Variants in LUZP2 observed in about 807,000 individuals in gnomAD.
LUZP2 encodes the protein leucine zipper protein 2.
In LUZP2, 52 loss-of-function variants were observed where a neutral mutation model predicts 51.6. The observed-to-expected ratio is 1.01, with a 90% CI of 0.81 to 1.27. The LOEUF (loss-of-function observed/expected upper bound fraction) is 1.27, where lower values mean the gene tolerates loss of function less well. Among genes scored for constraint, LUZP2 ranks in the 50% most tolerant of loss-of-function variants. LUZP2 has a pLI of 0.00. For missense variants in LUZP2, 436 were observed against 395.4 expected (o/e 1.10, Z -0.87); for synonymous variants, 154 against 137.3 (o/e 1.12, Z -0.85).
chr11:24,758,184 C>T (rs1489598778), intron 4 of LUZP2, among the ~76,000 whole-genome samples: 1 of 151,892 alleles, frequency 6.6e-6, no homozygotes, highest in Non-Finnish European at 1.5e-5. Context: ...TAACAAAATA[C>T]ACATCATGAT....
chr11:25,013,734 G>GTATT (rs911018315), intron 9 of LUZP2, among the ~76,000 whole-genome samples: 2 of 151,628 alleles, frequency 1.3e-5, no homozygotes, highest in African/African-American at 4.9e-5. Context: ...TACATTAACT[G>GTATT]TATTTATTTA....
chr11:24,786,587 T>A (rs953925957), intron 5 of LUZP2: 36 of 277,786 alleles, frequency 1.3e-4, no homozygotes, highest in Non-Finnish European at 1.6e-4. Flanking sequence ...AAAATATATA[T>A]TTGCATTATA....
intron 5 of LUZP2, among the ~76,000 whole-genome samples, chr11:24,851,507 G>A (rs1376464480): frequency 3.9e-5 from 6 of 152,144 alleles, no homozygotes; most frequent in African/African-American, 1.4e-4. Flanking sequence ...CAGTTTGCCA[G>A]TATTTTATTG....
chr11:24,599,527 C>T (rs1224317897), intron 1 of LUZP2, among the ~76,000 whole-genome samples: 1 of 152,156 alleles, frequency 6.6e-6, no homozygotes, highest in Non-Finnish European at 1.5e-5. Context: ...AGTCATTGTT[C>T]TGCCACAGTA....
intron 1 of LUZP2, among the ~76,000 whole-genome samples, chr11:24,643,316 G>T (rs945480078): frequency 6.6e-6 from 1 of 151,654 alleles, no homozygotes; most frequent in Non-Finnish European, 1.5e-5. Flanking sequence ...GGGAGGTTGG[G>T]GGGTAGAGAA....
chr11:24,940,861 T>C (rs1238690136), intron 7 of LUZP2, among the ~76,000 whole-genome samples: 1 of 152,180 alleles, frequency 6.6e-6, no homozygotes, highest in Admixed American at 6.5e-5. Context: ...ACAGAAGTGG[T>C]ATGTGTAGAG....
chr11:25,029,663 G>C (rs552655504), intron 9 of LUZP2, among the ~76,000 whole-genome samples: 1 of 151,506 alleles, frequency 6.6e-6, no homozygotes, highest in African/African-American at 2.4e-5. Flanking sequence ...TTTGAACCCG[G>C]GAGGCGGAGG....
At chr11:24,880,618 A>G (rs1486683) in intron 5 of LUZP2, among the ~76,000 whole-genome samples, 73,929 of 151,912 alleles carry the variant, frequency 0.49, 18,457 homozygotes, top group East Asian at 0.69. Context: ...GCTTACAGGA[A>G]GAAAGTCTCT....
chr11:24,948,618 A>G (rs1475830052), intron 7 of LUZP2, among the ~76,000 whole-genome samples: 1 of 151,790 alleles, frequency 6.6e-6, no homozygotes, highest in African/African-American at 2.4e-5. Context: ...TGATATGACA[A>G]CAAGAAACAC....
At chr11:25,015,867 A>G (rs779445529) in intron 9 of LUZP2, among the ~76,000 whole-genome samples, 3 of 151,212 alleles carry the variant, frequency 2.0e-5, no homozygotes, top group Non-Finnish European at 2.9e-5. Flanking sequence ...GGTTACATGA[A>G]CGAATTGTAT....
intron 7 of LUZP2, among the ~76,000 whole-genome samples, chr11:24,950,458 C>T (rs1855043337): frequency 6.6e-6 from 1 of 151,502 alleles, no homozygotes; most frequent in Non-Finnish European, 1.5e-5. Flanking sequence ...GTAGAAAAAT[C>T]AAAGTGACAG....
chr11:24,695,341 A>C (rs770977034), intron 1 of LUZP2, among the ~76,000 whole-genome samples: 9 of 152,210 alleles, frequency 5.9e-5, no homozygotes, highest in Middle Eastern at 3.4e-3. Flanking sequence ...CATAATTGAC[A>C]TATAATAATT....
At chr11:24,860,217 A>G (rs1028528488) in intron 5 of LUZP2, among the ~76,000 whole-genome samples, 1 of 152,140 alleles carries the variant, frequency 6.6e-6, no homozygotes, top group Non-Finnish European at 1.5e-5. Flanking sequence ...ACCCTGTCCC[A>G]TCCTTCCTCA....
At chr11:24,990,064 G>A (rs1367282895) in intron 9 of LUZP2, among the ~76,000 whole-genome samples, 4 of 151,856 alleles carry the variant, frequency 2.6e-5, no homozygotes, top group Non-Finnish European at 5.9e-5. Flanking sequence ...CAATATATGG[G>A]GTCTATGCCC....
In LUZP2 at chr11:24,499,922, T is replaced by C. The variant is rs111371972; in HGVS notation, c.62+2617T>C. ...GCAGGTGAAAAGGTAGTCTTTTGAC[T>C]GTGTTGTGAACAGGTCTAATGGTAT... On this transcript the variant is annotated intron_variant, in intron 1 of 11. Transcript: ENST00000336930. 7.1e-3 allele frequency among the ~76,000 whole-genome samples: 1,088 copies of C among 152,322 alleles called. 19 individuals carry two copies. Among genetic ancestry groups the C allele is most frequent in the African/African-American group, 0.025 (1,025 of 41,546 alleles).
At chr11:24,565,027 A>G (rs966813195) in intron 1 of LUZP2, among the ~76,000 whole-genome samples, 2 of 152,214 alleles carry the variant, frequency 1.3e-5, no homozygotes, top group Admixed American at 1.3e-4. Context: ...TAATGGGGAC[A>G]TCGTATCCAC....
chr11:24,859,026 A>C (rs560702443), intron 5 of LUZP2, among the ~76,000 whole-genome samples: 4 of 152,296 alleles, frequency 2.6e-5, no homozygotes, highest in East Asian at 3.9e-4. Context: ...CAAATTAGCC[A>C]GTATAGGGCA....
intron 1 of LUZP2, among the ~76,000 whole-genome samples, chr11:24,576,443 TACTA>T (rs1852652418): frequency 8.4e-6 from 1 of 119,124 alleles, no homozygotes; most frequent in South Asian, 2.5e-4. Flanking sequence ...AAGGAAAAAA[TACTA>T]ACTTATCAAG....
intron 7 of LUZP2, among the ~76,000 whole-genome samples, chr11:24,933,969 G>T (rs187349324): frequency 1.2e-4 from 19 of 152,256 alleles, no homozygotes; most frequent in Admixed American, 5.9e-4. Context: ...GCAAGGGTTG[G>T]GGGGAGGATA....
Sources: allele counts gnomAD v4.1 joint callset (sites outside exome capture counted in the v4.1 genomes callset), GRCh38; gene constraint gnomAD v4.1.1; transcripts MANE v1.5; gene names NCBI Gene and HGNC (gene_info 2026-07-23, HGNC 2026-07-21).